Variants in PROSER2 observed in about 807,000 individuals in gnomAD.
The protein encoded by PROSER2 is proline and serine rich 2, also known as proline and serine-rich protein 2.
A neutral mutation model predicts 14.6 loss-of-function variants in PROSER2; 18 were observed. That is an observed-to-expected ratio of 1.23 (90% CI 0.85 to 1.83). PROSER2 has a LOEUF of 1.83. Ranked by LOEUF, PROSER2 falls within the 40% of genes most tolerant of loss-of-function variation. PROSER2 has a pLI of 0.00. For missense variants in PROSER2, 823 were observed against 629.8 expected (o/e 1.31, Z -3.28); for synonymous variants, 367 against 286.4 (o/e 1.28, Z -2.84).
chr10:11,834,592 G>A (rs187333221), intron 1 of PROSER2, among the ~76,000 whole-genome samples: 38 of 150,182 alleles, frequency 2.5e-4, no homozygotes, highest in Non-Finnish European at 3.6e-4. Context: ...AAAATTAGCC[G>A]GGTATGGTAG....
chr10:11,866,858 T>TAC lies in PROSER2; in HGVS notation c.391+75_391+76insAC, dbSNP rs1834359681. Reference sequence around the variant, plus strand: ...GAGACCCAGAGATACTTCTTTTGTGTTCCCCTGTGTTTGCCAGTAGAAGTT... The same window carrying TAC: ...GAGACCCAGAGATACTTCTTTTGTGTACTCCCCTGTGTTTGCCAGTAGAAGTT... On this transcript the variant is annotated intron_variant, in intron 3 of 3. Transcript: ENST00000277570. This position sits in a 1 kb window ranked among gnomAD's most constrained non-coding sequence, Gnocchi z 6.0. 8.0e-6 allele frequency: 12 copies of TAC among 1,502,418 alleles called. No homozygotes were observed. The Admixed American group carries it at 2.5e-4, about 31-fold the overall frequency. The allele number at this position is 1,502,418 out of a possible 1,614,324, so 93.1% of individuals were successfully genotyped here. A position where few individuals can be genotyped will look rare whatever the true frequency, so the allele number is the denominator to read the frequency against.
chr10:11,845,565 G>A (rs530802593), intron 1 of PROSER2, among the ~76,000 whole-genome samples: 2 of 151,356 alleles, frequency 1.3e-5, no homozygotes, highest in Non-Finnish European at 3.0e-5. Context: ...AAAAATACAG[G>A]CAGGGTTAGG....
At chr10:11,847,345 C>G (rs74785905) in intron 1 of PROSER2, among the ~76,000 whole-genome samples, 3 of 152,252 alleles carry the variant, frequency 2.0e-5, no homozygotes, top group African/African-American at 7.2e-5. Flanking sequence ...TCTAACCCGC[C>G]TTCACAAGGT....
rs200505623 is a variant in PROSER2, at chr10:11,852,138, T to G, written c.61T>G (p.Cys21Gly). 8 of 1,613,732 alleles carry G rather than the reference T, an allele frequency of 5.0e-6. No individual in the cohort carries two copies. The highest frequency in any genetic ancestry group is 3.3e-5 in the Admixed American group (2 of 59,946). The change falls in exon 2 of 4, where the codon TGC becomes GGC. Residue 21 changes from cysteine (C) to glycine (G), a missense_variant. Physicochemically the swap from Cys to Gly is radical, Grantham distance 159. Coordinates refer to ENST00000277570, the MANE Select transcript of PROSER2 (RefSeq NM_153256.4). ...SDMNSDTSPS[C>G]RLRAFSRGGS... ...CATGAACTCAGACACGTCCCCCAGCTGCAGGCTCCGAGCCTTCAGCAGAGG... is the reference window on the plus strand; with the variant it reads ...CATGAACTCAGACACGTCCCCCAGCGGCAGGCTCCGAGCCTTCAGCAGAGG...
chr10:11,845,142 T>C (rs1160262775), intron 1 of PROSER2, among the ~76,000 whole-genome samples: 2 of 152,150 alleles, frequency 1.3e-5, no homozygotes, highest in Non-Finnish European at 2.9e-5. Context: ...CTAATACATA[T>C]GTCCCTGTGT....
Position 11,866,792 on chromosome 10 carries a change from G to A in PROSER2, c.391+9G>A, listed in dbSNP as rs1445570214. On this transcript the variant is annotated intron_variant, in intron 3 of 3. Coordinates refer to ENST00000277570, the MANE Select transcript of PROSER2 (RefSeq NM_153256.4). This position sits in a 1 kb window ranked among gnomAD's most constrained non-coding sequence, Gnocchi z 6.0. ...GGGGACCCAGGCAGCAGGTGAGGGG[G>A]AAGACAGGCCATCCCTGGGATGTGG... 30 of 1,606,476 alleles carry A rather than the reference G, an allele frequency of 1.9e-5. No individual in the cohort carries two copies. The highest frequency in any genetic ancestry group is 2.3e-5 in the Non-Finnish European group (27 of 1,178,110).
At chr10:11,845,137 A>C (rs1174931108) in intron 1 of PROSER2, among the ~76,000 whole-genome samples, 1 of 152,188 alleles carries the variant, frequency 6.6e-6, no homozygotes, top group Non-Finnish European at 1.5e-5. Flanking sequence ...CCAACCTAAT[A>C]CATATGTCCC....
At chr10:11,843,058 A>AGCCTCC (rs1343928411) in intron 1 of PROSER2, among the ~76,000 whole-genome samples, 1 of 145,762 alleles carries the variant, frequency 6.9e-6, no homozygotes, top group African/African-American at 2.5e-5. Flanking sequence ...CTCCTGCCTC[A>AGCCTCC]GCCTCCCGAG....
intron 2 of PROSER2, among the ~76,000 whole-genome samples, chr10:11,855,669 T>C (rs1010030207): frequency 1.3e-5 from 2 of 152,096 alleles, no homozygotes; most frequent in African/African-American, 4.8e-5. Context: ...ACAACTGTAG[T>C]CTGAGCTACT....
At chr10:11,857,659 C>T (rs1374666628) in intron 2 of PROSER2, among the ~76,000 whole-genome samples, 3 of 149,794 alleles carry the variant, frequency 2.0e-5, no homozygotes, top group African/African-American at 7.4e-5. Context: ...GCAGGAAAAT[C>T]ACTTGAACCC....
intron 1 of PROSER2, among the ~76,000 whole-genome samples, chr10:11,840,746 G>A (rs1418417656): frequency 6.6e-6 from 1 of 151,334 alleles, no homozygotes; most frequent in Middle Eastern, 3.2e-3. Flanking sequence ...CCAACATGGC[G>A]AAACCCTGTC....
In PROSER2 at chr10:11,838,362, T is replaced by C. The variant is rs149572103; in HGVS notation, c.-81-13635T>C. On this transcript the variant is annotated intron_variant, in intron 1 of 3. Transcript: ENST00000277570. This position sits in a 1 kb window ranked among gnomAD's most constrained non-coding sequence, Gnocchi z 4.4. ...GGCCTCATCCAGCTGATCTAACTGA[T>C]GTGCAGTATTCCGTAGTAAGCATTT... is the stretch of plus-strand genomic sequence containing the variant. Among the ~76,000 whole-genome samples, 906 of 152,368 alleles carry C rather than the reference T, an allele frequency of 5.9e-3. 10 individuals are homozygous for C. Among genetic ancestry groups the C allele is most frequent in the African/African-American group, 0.021 (873 of 41,590 alleles).
chr10:11,870,049 G>A lies in PROSER2; in HGVS notation c.951G>A (p.Ala317=), dbSNP rs2131100364. The A allele has an allele frequency of 1.6e-6, 2 of 1,236,332 alleles. No individual in the cohort carries two copies. Among genetic ancestry groups the A allele is most frequent in the Non-Finnish European group, 2.0e-6 (2 of 990,396 alleles). The allele number at this position is 1,236,332 out of a possible 1,614,324, so 76.6% of individuals were successfully genotyped here. Residue 317 remains alanine (A), a synonymous_variant, in exon 4 of 4, where the codon GCG becomes GCA. Transcript: ENST00000277570. ...PGGGSSPERV[A]RGRGLPGPAE... is the part of the protein sequence containing the mutation. ...GCGGCTCCTCCCCGGAGCGGGTGGCGCGTGGCCGGGGCCTGCCGGGCCCCG... is the reference window on the plus strand; with the variant it reads ...GCGGCTCCTCCCCGGAGCGGGTGGCACGTGGCCGGGGCCTGCCGGGCCCCG...
chr10:11,870,968 TTTTG>T lies in PROSER2; in HGVS notation c.*566_*569del, dbSNP rs1834477865. 6.5e-6 allele frequency: 1 copy of T among 152,820 alleles called. No homozygotes were observed. Among genetic ancestry groups the T allele is most frequent in the Non-Finnish European group, 1.5e-5 (1 of 68,028 alleles). 9.5% of individuals were successfully genotyped at this position (152,820 alleles called of 1,614,324 possible). ...TCTTGACGTACTTTAGTTTGCCCAG[TTTTG>T]TTTTTTACTGAAAACTGAAATGAAA... On this transcript the variant is annotated 3_prime_UTR_variant, in exon 4 of 4. Transcript: ENST00000277570.
chr10:11,852,172 T>G lies in PROSER2; in HGVS notation c.95T>G (p.Leu32Arg). 1 of 1,613,312 alleles carries G rather than the reference T, an allele frequency of 6.2e-7. No homozygotes were observed. Among genetic ancestry groups the G allele is most frequent in the Non-Finnish European group, 8.5e-7 (1 of 1,179,662 alleles). ...CGAGCCTTCAGCAGAGGCGGCAGCCTGGAGAGTCGAAGCAGCAGCTCTCGC... is the reference window on the plus strand; with the variant it reads ...CGAGCCTTCAGCAGAGGCGGCAGCCGGGAGAGTCGAAGCAGCAGCTCTCGC... ...RLRAFSRGGS[L>R]ESRSSSSRSR... Residue 32 changes from leucine (L) to arginine (R), a missense_variant, in exon 2 of 4, where the codon CTG becomes CGG. Physicochemically the swap from Leu to Arg is moderately radical, Grantham distance 102 (BLOSUM62 -2). Transcript: ENST00000277570.
chr10:11,837,631 A>G lies in PROSER2; in HGVS notation c.-82+14161A>G, dbSNP rs938728563. Among the ~76,000 whole-genome samples the G allele has an allele frequency of 1.6e-4, 25 of 152,224 alleles. No individual in the cohort carries two copies. Among genetic ancestry groups the G allele is most frequent in the Non-Finnish European group, 3.7e-4 (25 of 68,040 alleles). ...GTTCTACATCACTTGGTTAAGGGGA[A>G]TAATTTTTCCATTCACGTTCAGAAC... On this transcript the variant is annotated intron_variant, in intron 1 of 3. Transcript: ENST00000277570. The surrounding 1 kb of genome is among the most constrained non-coding windows in gnomAD (Gnocchi z 4.6).
intron 3 of PROSER2, among the ~76,000 whole-genome samples, chr10:11,867,498 C>G (rs1023794799): frequency 6.6e-6 from 1 of 151,538 alleles, no homozygotes; most frequent in African/African-American, 2.4e-5. Context: ...CTGGCGCACA[C>G]CTGTAGTCCC....
In PROSER2 at chr10:11,866,289, C is replaced by T. The variant is rs1420582265; in HGVS notation, c.139-242C>T. 2.6e-5 allele frequency among the ~76,000 whole-genome samples: 4 copies of T among 152,132 alleles called. No homozygotes were observed. Among genetic ancestry groups the T allele is most frequent in the African/African-American group, 7.2e-5 (3 of 41,424 alleles). ...TTTTTGTCATTGACTTGCTAGGAAC[C>T]CCAAGGCGAGGGCCCGTTATAACAG... is the stretch of plus-strand genomic sequence containing the variant. On this transcript the variant is annotated intron_variant, in intron 2 of 3. Transcript: ENST00000277570. The surrounding 1 kb of genome is among the most constrained non-coding windows in gnomAD (Gnocchi z 6.0).
At chr10:11,828,194 C>G (rs1833640800) in intron 1 of PROSER2, among the ~76,000 whole-genome samples, 1 of 151,694 alleles carries the variant, frequency 6.6e-6, no homozygotes, top group Non-Finnish European at 1.5e-5. Context: ...AATGACTTCT[C>G]AGACCTTGAA....
Sources: allele counts gnomAD v4.1 joint callset (sites outside exome capture counted in the v4.1 genomes callset), GRCh38; gene constraint gnomAD v4.1.1; non-coding constraint Gnocchi (gnomAD v3.1); transcripts MANE v1.5; gene names NCBI Gene and HGNC (gene_info 2026-07-23, HGNC 2026-07-21).